Variants in PDE10A observed in about 807,000 individuals in gnomAD.
PDE10A encodes phosphodiesterase 10A.
PDE10A carries 39 observed loss-of-function variants against 97.7 expected under a neutral mutation model. That is an observed-to-expected ratio of 0.40 (90% confidence interval 0.31 to 0.52). PDE10A has a LOEUF of 0.52. Among genes scored for constraint, PDE10A ranks in the 20% least tolerant of loss-of-function variants. PDE10A has a pLI of 0.56. For missense variants in PDE10A, 731 were observed against 1,047.8 expected (o/e 0.70, Z 4.17); for synonymous variants, 371 against 376.8 (o/e 0.98, Z 0.18).
chr6:165,836,690 G>A (rs1269780648), intron 1 of PDE10A, among the ~76,000 whole-genome samples: 1 of 152,132 alleles, frequency 6.6e-6, no homozygotes, highest in Non-Finnish European at 1.5e-5. Flanking sequence ...AGCCCTCAAG[G>A]GCACACTGTC....
chr6:165,553,232 A>AGG (rs1487942124), intron 1 of PDE10A, among the ~76,000 whole-genome samples: 1 of 151,820 alleles, frequency 6.6e-6, no homozygotes, highest in Non-Finnish European at 1.5e-5. Flanking sequence ...TTTGGGGAGG[A>AGG]GGGGGGTGTC....
At chr6:165,611,337 T>C (rs1298762263) in intron 1 of PDE10A, among the ~76,000 whole-genome samples, 1 of 152,118 alleles carries the variant, frequency 6.6e-6, no homozygotes, top group Non-Finnish European at 1.5e-5. Flanking sequence ...ACTGAAAACA[T>C]GTCCTCCCCT....
intron 5 of PDE10A, among the ~76,000 whole-genome samples, chr6:165,439,018 G>C (rs1790247544): frequency 6.6e-6 from 1 of 150,868 alleles, no homozygotes; most frequent in Admixed American, 6.6e-5. Flanking sequence ...TCTACATGAA[G>C]GCATTAATCA....
At chr6:165,884,206 G>A (rs1781568654) in intron 1 of PDE10A, among the ~76,000 whole-genome samples, 1 of 152,244 alleles carries the variant, frequency 6.6e-6, no homozygotes, top group African/African-American at 2.4e-5. Context: ...GGCACACGTG[G>A]TGTCTGCTGG....
chr6:165,787,575 G>A (rs1419008761), intron 1 of PDE10A, among the ~76,000 whole-genome samples: 1 of 152,192 alleles, frequency 6.6e-6, no homozygotes, highest in South Asian at 2.1e-4. Context: ...AACAGTATTA[G>A]GAGACATACA....
chr6:165,786,632 C>T (rs1276827312), intron 1 of PDE10A, among the ~76,000 whole-genome samples: 1 of 152,150 alleles, frequency 6.6e-6, no homozygotes, highest in African/African-American at 2.4e-5. Flanking sequence ...TGATGAATCT[C>T]ACCACATGGC....
At chr6:165,725,147 C>A (rs1792260918) in intron 1 of PDE10A, among the ~76,000 whole-genome samples, 1 of 152,216 alleles carries the variant, frequency 6.6e-6, no homozygotes, top group African/African-American at 2.4e-5. Flanking sequence ...TCCCATTCAT[C>A]TGCTGAGAGC....
At chr6:165,698,708 G>T (rs9355544) in intron 1 of PDE10A, among the ~76,000 whole-genome samples, 68,222 of 151,702 alleles carry the variant, frequency 0.45, 16,603 homozygotes, top group Non-Finnish European at 0.56. Flanking sequence ...AAATTAGCCA[G>T]ACGTGGCGGC....
chr6:165,871,758 G>A (rs769340976), intron 1 of PDE10A, among the ~76,000 whole-genome samples: 1 of 152,188 alleles, frequency 6.6e-6, no homozygotes. Context: ...AACCCCAGGG[G>A]TGACGACTGA....
chr6:165,855,729 C>A (rs920291516), intron 1 of PDE10A, among the ~76,000 whole-genome samples: 54 of 152,060 alleles, frequency 3.6e-4, no homozygotes, highest in African/African-American at 1.2e-3. Context: ...AACTTTCAAA[C>A]GGACACCGAG....
chr6:165,987,752 G>A (rs1370718066), exon 1 of PDE10A: 3 of 456,452 alleles, frequency 6.6e-6, no homozygotes, highest in South Asian at 3.1e-5. Flanking sequence ...TCAGCAGGCA[G>A]ATTCCAAAGG....
intron 10 of PDE10A, among the ~76,000 whole-genome samples, chr6:165,425,770 C>CGTGTGTGTGTGT (rs57229720): frequency 0.024 from 3,466 of 144,084 alleles, 89 homozygotes; most frequent in African/African-American, 0.055. Context: ...AAGGCATGAT[C>CGTGTGTGTGTGT]GTGTGTGTGT....
chr6:165,576,316 G>A (rs987646188), intron 1 of PDE10A: 20 of 713,558 alleles, frequency 2.8e-5, no homozygotes, highest in Non-Finnish European at 4.6e-5. Context: ...TAATGAATTG[G>A]CAGATCAAAA....
intron 1 of PDE10A, among the ~76,000 whole-genome samples, chr6:165,843,042 A>T (rs1032294101): frequency 6.6e-6 from 1 of 152,236 alleles, no homozygotes; most frequent in Non-Finnish European, 1.5e-5. Flanking sequence ...AGAAGGCCGT[A>T]GCACAAATAC....
At chr6:165,948,291 C>T (rs939502073) in intron 1 of PDE10A, 4 of 152,120 alleles carry the variant, frequency 2.6e-5, no homozygotes, top group African/African-American at 9.7e-5. Context: ...AAGTTCCTAC[C>T]ATCAGGCAAA....
chr6:165,952,127 A>G (rs1406112076), intron 1 of PDE10A, among the ~76,000 whole-genome samples: 1 of 152,228 alleles, frequency 6.6e-6, no homozygotes, highest in Admixed American at 6.5e-5. Flanking sequence ...TGCATCTAAT[A>G]CGTGCCCAGC....
At chr6:165,475,419 A>C (rs1186020316) in intron 3 of PDE10A, among the ~76,000 whole-genome samples, 2 of 152,220 alleles carry the variant, frequency 1.3e-5, no homozygotes, top group Non-Finnish European at 2.9e-5. Flanking sequence ...AACAAAGAAA[A>C]GTGAAAAACA....
At chr6:165,379,086 TA>T (rs1318049767) in intron 18 of PDE10A, 107 bp downstream of exon 18, 11 of 732,702 alleles carry the variant, frequency 1.5e-5, no homozygotes, top group Non-Finnish European at 2.4e-5. Context: ...GTAAATTTTT[TA>T]CATTCCTTCT....
In PDE10A at chr6:165,662,043, C is replaced by A; in HGVS notation, c.769G>T (p.Ala257Ser). ...RPQGASFALA[A>S]AAALLFGSDM... Reference sequence around the variant, plus strand: ...GAGCCGAAGAGCAGCGCGGCCGCGGCGGCGAGGGCGAAGCTGGCGCCCTGG... The same window carrying A: ...GAGCCGAAGAGCAGCGCGGCCGCGGAGGCGAGGGCGAAGCTGGCGCCCTGG... The change falls in exon 1 of 22, where the codon GCC becomes TCC. Residue 257 changes from alanine (A) to serine (S), a missense_variant. Ala to Ser is a moderately conservative substitution (Grantham distance 99, BLOSUM62 1). Transcript: ENST00000539869. 6.8e-7 allele frequency: 1 copy of A among 1,473,846 alleles called. No individual in the cohort carries two copies. Among genetic ancestry groups the A allele is most frequent in the Non-Finnish European group, 9.0e-7 (1 of 1,105,226 alleles). The allele number at this position is 1,473,846 out of a possible 1,614,324, so 91.3% of individuals were successfully genotyped here.
Sources: allele counts gnomAD v4.1 joint callset (sites outside exome capture counted in the v4.1 genomes callset), GRCh38; gene constraint gnomAD v4.1.1; transcripts MANE v1.5; gene names NCBI Gene and HGNC (gene_info 2026-07-23, HGNC 2026-07-21).